Variants in GTF2IRD2 observed in about 807,000 individuals in gnomAD.
GTF2IRD2 encodes general transcription factor II-I repeat domain-containing protein 2A.
GTF2IRD2 carries 8 observed loss-of-function variants against 49.2 expected under a neutral mutation model. The observed-to-expected ratio is 0.16, with a 90% confidence interval of 0.10 to 0.29. The LOEUF (loss-of-function observed/expected upper bound fraction) is 0.29, where lower values mean the gene tolerates loss of function less well. Among genes scored for constraint, GTF2IRD2 ranks in the 10% least tolerant of loss-of-function variants. The pLI, the probability that GTF2IRD2 is intolerant of heterozygous loss-of-function variation, is 1.00. For synonymous variants in GTF2IRD2, 47 were observed against 289.7 expected, an observed-to-expected ratio of 0.16 and a Z score of 8.51; for missense variants, 130 against 725.7, an observed-to-expected ratio of 0.18 and a Z score of 9.43.
At chr7:74,836,154 G>T in intron 2 of GTF2IRD2, 126 bp downstream of exon 2, 1 of 1,129,314 alleles carries the variant, frequency 8.9e-7, no homozygotes, top group Non-Finnish European at 1.3e-6. Flanking sequence ...CTGGGTGACA[G>T]AGTGAGACTC....
intron 3 of GTF2IRD2, among the ~76,000 whole-genome samples, chr7:74,830,200 C>CAAAA (rs782359912): frequency 9.7e-4 from 16 of 16,516 alleles, no homozygotes; most frequent in East Asian, 6.5e-3. Flanking sequence ...AACCCTGTCT[C>CAAAA]AAAAAAAAAA....
intron 1 of GTF2IRD2, among the ~76,000 whole-genome samples, chr7:74,842,235 T>C (rs1209210399): frequency 7.3e-5 from 10 of 136,688 alleles, no homozygotes; most frequent in African/African-American, 2.9e-4. Flanking sequence ...AATTTTCTTT[T>C]TTTTTTTTTT....
At chr7:74,847,561 G>A (rs1381738335) in intron 1 of GTF2IRD2, among the ~76,000 whole-genome samples, 4 of 5,576 alleles carry the variant, frequency 7.2e-4, no homozygotes, top group Admixed American at 4.1e-3. Context: ...AAGGACAGGC[G>A]TGGTGGTGGG....
chr7:74,828,760 TA>T (rs1799606652), intron 3 of GTF2IRD2, among the ~76,000 whole-genome samples: 1 of 56,772 alleles, frequency 1.8e-5, no homozygotes, highest in Non-Finnish European at 3.8e-5. Context: ...GCCGAGCAAT[TA>T]AACTAGGTAA....
At chr7:74,826,873 G>A (rs1438609230) in intron 3 of GTF2IRD2, among the ~76,000 whole-genome samples, 2 of 149,742 alleles carry the variant, frequency 1.3e-5, no homozygotes, top group African/African-American at 2.5e-5. Flanking sequence ...CACCGCCCCC[G>A]GCTAACTTTT....
At chr7:74,833,299 T>C (rs1406814379) in intron 2 of GTF2IRD2, among the ~76,000 whole-genome samples, 9 of 102,774 alleles carry the variant, frequency 8.8e-5, no homozygotes, top group Admixed American at 3.1e-4. Context: ...GCCAGGATGG[T>C]CTCGATCTCC....
chr7:74,822,341 C>G, intron 6 of GTF2IRD2, 86 bp downstream of exon 6: 1 of 673,226 alleles, frequency 1.5e-6, no homozygotes, highest in Non-Finnish European at 2.7e-6. Flanking sequence ...TGAGCCATCA[C>G]GCCCGGCCCC....
At position 74,835,933 on chromosome 7, in the gene GTF2IRD2, C is replaced by T. The variant is rs1187312318; in HGVS notation, c.99+347G>A. On this transcript the variant is annotated intron_variant, in intron 2 of 15. Transcript: ENST00000451013. ...CCGGGAGGCGGAGGTTGCAGTGAGC[C>T]GACATCATGCCACTGCACTCCAGCC... 5.7e-5 allele frequency among the ~76,000 whole-genome samples: 7 copies of T among 122,340 alleles called. 1 individual carries two copies. Among genetic ancestry groups the T allele is most frequent in the Non-Finnish European group, 1.1e-4 (7 of 64,230 alleles). The allele number at this position is 122,340 out of a possible 152,430, so 80.3% of individuals were successfully genotyped here. A position where few individuals can be genotyped will look rare whatever the true frequency, so the allele number is the denominator to read the frequency against.
At chr7:74,842,202 G>C (rs1554421970) in intron 1 of GTF2IRD2, among the ~76,000 whole-genome samples, 1 of 126,640 alleles carries the variant, frequency 7.9e-6, no homozygotes, top group Non-Finnish European at 1.6e-5. Flanking sequence ...AGAAACCACT[G>C]AACAGTACAC....
At chr7:74,826,699 CTTTTTT>C (rs1175596623) in intron 3 of GTF2IRD2, among the ~76,000 whole-genome samples, 2 of 16,598 alleles carry the variant, frequency 1.2e-4, no homozygotes, top group African/African-American at 3.3e-4. Context: ...TCATTTCATT[CTTTTTT>C]TTTTTTTTTT....
chr7:74,831,288 TCTAAG>T (rs1413506405), intron 3 of GTF2IRD2, among the ~76,000 whole-genome samples: 1 of 150,682 alleles, frequency 6.6e-6, no homozygotes, highest in Non-Finnish European at 1.5e-5. Flanking sequence ...TATCCATCCA[TCTAAG>T]CTATCTACAT....
intron 3 of GTF2IRD2, among the ~76,000 whole-genome samples, chr7:74,831,500 T>TACACACACAC: frequency 8.8e-6 from 1 of 113,246 alleles, no homozygotes; most frequent in South Asian, 2.8e-4. Context: ...CCTCTCTCTG[T>TACACACACAC]ACATACACAC....
chr7:74,831,334 C>T (rs1799829473), intron 3 of GTF2IRD2, among the ~76,000 whole-genome samples: 1 of 150,592 alleles, frequency 6.6e-6, no homozygotes, highest in African/African-American at 2.4e-5. Flanking sequence ...TCTCTCTTAT[C>T]TATCATCTAT....
At chr7:74,829,939 G>A (rs2428786) in intron 3 of GTF2IRD2, among the ~76,000 whole-genome samples, 27 of 147,472 alleles carry the variant, frequency 1.8e-4, no homozygotes, top group South Asian at 4.3e-4. Flanking sequence ...AATAACAGAA[G>A]TAATCTTGAA....
chr7:74,831,552 C>A (rs1168534593), intron 3 of GTF2IRD2, among the ~76,000 whole-genome samples: 1 of 144,576 alleles, frequency 6.9e-6, no homozygotes, highest in Admixed American at 7.1e-5. Flanking sequence ...CACCCTTATA[C>A]CCTCTGACGA....
At position 74,831,497 on chromosome 7, in the gene GTF2IRD2, C is replaced by T. The variant is rs1431519618; in HGVS notation, c.238+1308G>A. The stretch of plus-strand genomic sequence containing the variant: ...TGCCAATCCATAGAGACCCCTCTCT[C>T]TGTACATACACACACACACACACAC... On this transcript the variant is annotated intron_variant, in intron 3 of 15. Coordinates refer to ENST00000451013, the MANE Select transcript of GTF2IRD2 (RefSeq NM_173537.5). Among the ~76,000 whole-genome samples the T allele has an allele frequency of 8.2e-5, 11 of 134,078 alleles. 1 individual carries two copies. Among genetic ancestry groups the T allele is most frequent in the Admixed American group, 7.0e-4 (9 of 12,822 alleles). 88.0% of individuals were successfully genotyped at this position (134,078 alleles called of 152,430 possible).
intron 12 of GTF2IRD2, among the ~76,000 whole-genome samples, chr7:74,806,657 AT>A (rs2131652926): frequency 7.3e-6 from 1 of 137,294 alleles, no homozygotes; most frequent in Non-Finnish European, 1.6e-5. Flanking sequence ...TCTGTGGCCA[AT>A]TCCAATTCAA....
chr7:74,845,178 CGAA>C (rs1801161017), intron 1 of GTF2IRD2, among the ~76,000 whole-genome samples: 1 of 150,630 alleles, frequency 6.6e-6, no homozygotes, highest in Non-Finnish European at 1.5e-5. Context: ...TTGAAAAAAC[CGAA>C]GAATAAAATA....
rs1212104357 is a variant in GTF2IRD2, at chr7:74,834,233, CT to C, written c.100-1291del. 1.3e-3 allele frequency among the ~76,000 whole-genome samples: 127 copies of C among 96,594 alleles called. 1 individual carries two copies. The highest frequency in any genetic ancestry group is 1.5e-3 in the Non-Finnish European group (77 of 52,914). 63.4% of individuals were successfully genotyped at this position (96,594 alleles called of 152,430 possible). ...TAATTTTTAAAATTTTTTATTTTTC[CT>C]TTTTTTTTTTTTTTGAGACGGAGTC... On this transcript the variant is annotated intron_variant, in intron 2 of 15. Transcript: ENST00000451013.
Sources: gnomAD v4.1 joint callset for allele counts (sites outside exome capture counted in the v4.1 genomes callset) on GRCh38, gnomAD v4.1.1 for gene constraint, MANE v1.5 for transcripts, NCBI Gene and HGNC (gene_info 2026-07-23, HGNC 2026-07-21) for gene names.